The following MCF2L variants were observed in gnomAD, a reference collection of about 807,000 sequenced individuals.
The protein encoded by MCF2L is MCF.2 cell line derived transforming sequence like.
Under a neutral mutation model 153.4 loss-of-function variants are expected in MCF2L, and 97 were observed. The ratio of observed to expected loss-of-function variants is 0.63; its 90% CI spans 0.54 to 0.75. The LOEUF is 0.75. MCF2L is among the 30% of genes least tolerant of loss of function. MCF2L has a pLI of 0.00. For synonymous variants in MCF2L, 659 were observed against 632.2 expected (o/e 1.04, Z -0.64); for missense variants, 1,347 against 1,495.2 (o/e 0.90, Z 1.64).
At chr13:113,043,578 A>G (rs1183384671) in intron 3 of MCF2L, 1 of 152,236 alleles carries the variant, frequency 6.6e-6, no homozygotes, top group Admixed American at 6.5e-5. Context: ...TGCCTCTCCC[A>G]AGGGAGCACA....
chr13:113,019,938 G>T (rs1402205394), intron 2 of MCF2L, among the ~76,000 whole-genome samples: 1 of 152,194 alleles, frequency 6.6e-6, no homozygotes, highest in Non-Finnish European at 1.5e-5. Flanking sequence ...AATTTCTGTT[G>T]TTTGGGCCTC....
At chr13:112,998,765 A>G (rs929943492) in intron 1 of MCF2L, among the ~76,000 whole-genome samples, 3 of 152,182 alleles carry the variant, frequency 2.0e-5, no homozygotes, top group Admixed American at 6.5e-5. Context: ...CTAAAGGTCT[A>G]GGTGCTTGGA....
At chr13:112,985,301 A>C (rs79589494) in intron 1 of MCF2L, 5,309 of 426,078 alleles carry the variant, frequency 0.012, 261 homozygotes, top group African/African-American at 0.097. Context: ...GACAAAGTTC[A>C]GCATAGAAAG....
chr13:112,930,090 G>A lies in MCF2L; in HGVS notation c.169+27719G>A, dbSNP rs527587409. Among the ~76,000 whole-genome samples the A allele has an allele frequency of 2.0e-5, 3 of 152,352 alleles. No homozygotes were observed. The South Asian group carries it at 6.2e-4, about 32-fold the overall frequency. ...CTGGCGAGGACACAGGGCATGGGGAGCTCTCGTTCACTGGGATGGAGCGGA... is the reference window on the plus strand; with the variant it reads ...CTGGCGAGGACACAGGGCATGGGGAACTCTCGTTCACTGGGATGGAGCGGA... On this transcript the variant is annotated intron_variant, in intron 2 of 29. Coordinates refer to the MCF2L transcript ENST00000375608.
intron 2 of MCF2L, among the ~76,000 whole-genome samples, chr13:112,948,993 C>T (rs1383007162): frequency 2.0e-5 from 3 of 152,182 alleles, no homozygotes; most frequent in African/African-American, 7.2e-5. Flanking sequence ...ACCTGGGAAG[C>T]GGAGGTTGCA....
Position 113,084,233 on chromosome 13 carries a change from A to G in MCF2L, c.2061+166A>G, listed in dbSNP as rs151261691. 2.0e-5 allele frequency among the ~76,000 whole-genome samples: 3 copies of G among 151,998 alleles called. No homozygotes were observed. In the East Asian group the frequency reaches 5.8e-4, roughly 29 times the overall value. On this transcript the variant is annotated intron_variant, in intron 18 of 29. Coordinates refer to ENST00000535094, the MANE Select transcript of MCF2L (RefSeq NM_001112732.3). ...GCTCCTGTACCCCTAGAACCTCCTG[A>G]ACCCCCAGAACCTCCTGAACCCCAG...
chr13:113,050,830 G>T (rs1237479084), intron 4 of MCF2L, among the ~76,000 whole-genome samples: 13 of 151,524 alleles, frequency 8.6e-5, no homozygotes, highest in East Asian at 3.9e-4. Flanking sequence ...CTTCCCGGCG[G>T]AGGTGATGCT....
Position 112,954,642 on chromosome 13 carries a change from T to C in MCF2L, c.169+52271T>C, listed in dbSNP as rs568881486. ...GCTCTGACTGGCTCCCGAGGGGGCA[T>C]GGGTGGGCTCAGGGTGTTTTCAGCC... On this transcript the variant is annotated intron_variant, in intron 2 of 29. Transcript: ENST00000375608. Among the ~76,000 whole-genome samples the C allele has an allele frequency of 4.8e-4, 73 of 152,142 alleles. No individual in the cohort carries two copies. The East Asian group carries it at 0.013, about 28-fold the overall frequency.
rs554928010 is a variant in MCF2L at position 112,920,949 on chromosome 13, C to T, written c.169+18578C>T. 4.3e-3 allele frequency among the ~76,000 whole-genome samples: 651 copies of T among 151,568 alleles called. 4 individuals carry two copies. The highest frequency in any genetic ancestry group is 0.015 in the African/African-American group (608 of 41,254). Reference sequence around the variant, plus strand: ...TTAGGAGGCCGAGGCAGGCGGATCACGAGGTCAGGAGATTGAGACCATCCT... The same window carrying T: ...TTAGGAGGCCGAGGCAGGCGGATCATGAGGTCAGGAGATTGAGACCATCCT... On this transcript the variant is annotated intron_variant, in intron 2 of 29. Coordinates refer to the MCF2L transcript ENST00000375608.
chr13:113,050,485 T>A (rs2087167693), intron 4 of MCF2L, among the ~76,000 whole-genome samples: 1 of 151,154 alleles, frequency 6.6e-6, no homozygotes, highest in East Asian at 1.9e-4. Flanking sequence ...CGGTGCAGTC[T>A]GTGTGTGCAG....
chr13:112,958,968 C>T (rs569741243), intron 2 of MCF2L, among the ~76,000 whole-genome samples: 2 of 152,270 alleles, frequency 1.3e-5, no homozygotes, highest in South Asian at 4.1e-4. Context: ...CGGAGAGCAC[C>T]GGGGTCCTGC....
chr13:112,929,745 G>A (rs1245603704), intron 2 of MCF2L, among the ~76,000 whole-genome samples: 6 of 152,182 alleles, frequency 3.9e-5, no homozygotes, highest in African/African-American at 1.4e-4. Flanking sequence ...AGATGATGAC[G>A]CCTGCATCAC....
intron 4 of MCF2L, among the ~76,000 whole-genome samples, chr13:113,050,557 C>G (rs2087174711): frequency 6.7e-6 from 1 of 149,648 alleles, no homozygotes; most frequent in Non-Finnish European, 1.5e-5. Flanking sequence ...GCAAATCTTT[C>G]ACATTTGCAA....
intron 2 of MCF2L, among the ~76,000 whole-genome samples, chr13:112,908,631 C>T (rs1464654622): frequency 6.6e-6 from 1 of 152,182 alleles, no homozygotes; most frequent in Non-Finnish European, 1.5e-5. Context: ...GATTTCTCCT[C>T]TGAAGAAACT....
chr13:112,924,622 C>G (rs572723248), intron 2 of MCF2L, among the ~76,000 whole-genome samples: 17 of 152,284 alleles, frequency 1.1e-4, no homozygotes, highest in Non-Finnish European at 1.9e-4. Flanking sequence ...TATATGATAG[C>G]TTTAGATAGG....
intron 1 of MCF2L, among the ~76,000 whole-genome samples, chr13:112,996,306 C>A (rs1025410454): frequency 1.3e-5 from 2 of 152,086 alleles, no homozygotes; most frequent in African/African-American, 4.8e-5. Flanking sequence ...GGTGACAGAG[C>A]GAGGCCTTGG....
At chr13:112,919,362 C>T (rs188857535) in intron 2 of MCF2L, among the ~76,000 whole-genome samples, 11 of 151,204 alleles carry the variant, frequency 7.3e-5, no homozygotes, top group South Asian at 4.2e-4. Flanking sequence ...CCCGCCACTA[C>T]GCCCGGCTAA....
At chr13:112,920,604 G>T (rs2081342376) in intron 2 of MCF2L, among the ~76,000 whole-genome samples, 1 of 151,870 alleles carries the variant, frequency 6.6e-6, no homozygotes, top group Non-Finnish European at 1.5e-5. Flanking sequence ...TTACCGGGCT[G>T]CTCTGAAGCT....
chr13:112,994,346 G>A (rs1318319528), intron 1 of MCF2L, among the ~76,000 whole-genome samples: 1 of 151,810 alleles, frequency 6.6e-6, no homozygotes, highest in Non-Finnish European at 1.5e-5. Context: ...TCTCGGGCGG[G>A]GGCCAGTGTG....
Sources: allele counts gnomAD v4.1 joint callset (sites outside exome capture counted in the v4.1 genomes callset), GRCh38; gene constraint gnomAD v4.1.1; transcripts MANE v1.5; gene names NCBI Gene and HGNC (gene_info 2026-07-23, HGNC 2026-07-21).